The following LMTK2 variants were observed in gnomAD, a reference collection of about 807,000 sequenced individuals.
LMTK2 encodes serine/threonine-protein kinase LMTK2.
LMTK2 carries 37 observed loss-of-function variants against 127.5 expected under a neutral mutation model. That is an observed-to-expected ratio of 0.29 (90% CI 0.22 to 0.38). The LOEUF (loss-of-function observed/expected upper bound fraction) is 0.38. LMTK2 is among the 10% of genes least tolerant of loss of function. The probability of loss-of-function intolerance (pLI) is 1.00; values close to 1 mark genes in which losing one functional copy is unlikely to be tolerated. For synonymous variants in LMTK2, 819 were observed against 810.1 expected, an observed-to-expected ratio of 1.01 and a Z score of -0.19; for missense variants, 1,694 against 1,920.3, an observed-to-expected ratio of 0.88 and a Z score of 2.20.
chr7:98,140,155 TTC>T (rs1454189719), intron 2 of LMTK2, among the ~76,000 whole-genome samples: 419 of 28,706 alleles, frequency 0.015, 112 homozygotes, highest in African/African-American at 0.13. Flanking sequence ...TTCTTTTCTT[TTC>T]TTTTCTTTTC....
rs1207039157 is a variant in LMTK2 at position 98,204,080 on chromosome 7, G to A, written c.4377G>A (p.Glu1459=). ...CGCCGCCACCGGCCCGGAGCACGGAGCAGAGCTGGCCGCACTCGGCGCCTT... is the reference window on the plus strand; with the variant it reads ...CGCCGCCACCGGCCCGGAGCACGGAACAGAGCTGGCCGCACTCGGCGCCTT... The part of the protein sequence containing the change: ...FSPPPPARST[E]QSWPHSAPYS... Residue 1459 remains glutamate (E), a synonymous_variant, in exon 13 of 14, where the codon GAG becomes GAA. Coordinates refer to ENST00000297293, the MANE Select transcript of LMTK2 (RefSeq NM_014916.4). 1.1e-5 allele frequency: 17 copies of A among 1,613,854 alleles called. No individual in the cohort carries two copies. The highest frequency in any genetic ancestry group is 1.4e-5 in the Non-Finnish European group (16 of 1,180,050).
intron 1 of LMTK2, among the ~76,000 whole-genome samples, chr7:98,132,282 ACT>A (rs1022793369): frequency 6.7e-6 from 1 of 150,100 alleles, no homozygotes; most frequent in African/African-American, 2.5e-5. Flanking sequence ...ACGGAGTCTC[ACT>A]CTGTCGCCCA....
intron 11 of LMTK2, among the ~76,000 whole-genome samples, chr7:98,195,401 T>C (rs1490316006): frequency 6.6e-6 from 1 of 152,136 alleles, no homozygotes; most frequent in Non-Finnish European, 1.5e-5. Context: ...GCAGGCAGCT[T>C]AGTGTGCACT....
chr7:98,193,925 G>A lies in LMTK2; in HGVS notation c.3460G>A (p.Glu1154Lys). The change falls in exon 11 of 14, where the codon GAA becomes AAA. Residue 1154 changes from glutamate (E) to lysine (K), a missense_variant. Physicochemically the swap from Glu to Lys is moderately conservative, Grantham distance 56. Coordinates refer to ENST00000297293, the MANE Select transcript of LMTK2 (RefSeq NM_014916.4). This position sits in a 1 kb window ranked among gnomAD's most constrained non-coding sequence, Gnocchi z 4.1. The stretch of plus-strand genomic sequence containing the variant: ...TCCTGCTGCCCAGGATAGCTGCCTG[G>A]AAGCCAGAAAGAGCCAGCCAGATGA... Reference protein sequence around the residue: ...QSPAAQDSCLEARKSQPDESC... With the variant: ...QSPAAQDSCLKARKSQPDESC... 6.2e-7 allele frequency: 1 copy of A among 1,614,126 alleles called. No individual in the cohort carries two copies. Among genetic ancestry groups the A allele is most frequent in the Non-Finnish European group, 8.5e-7 (1 of 1,180,040 alleles).
At chr7:98,199,734 A>G (rs971711110) in intron 11 of LMTK2, among the ~76,000 whole-genome samples, 9 of 152,194 alleles carry the variant, frequency 5.9e-5, no homozygotes, top group Non-Finnish European at 1.2e-4. Flanking sequence ...AGCTCAAGCA[A>G]TCCGCCCGCC....
At chr7:98,204,231 G>T in intron 13 of LMTK2, 45 bp downstream of exon 13, 2 of 819,022 alleles carry the variant, frequency 2.4e-6, no homozygotes, top group Non-Finnish European at 4.2e-6. Flanking sequence ...AGGGTCGGGG[G>T]TGGGGCGCTG....
intron 6 of LMTK2, among the ~76,000 whole-genome samples, chr7:98,160,324 T>C (rs1001039728): frequency 1.3e-5 from 2 of 152,240 alleles, no homozygotes; most frequent in Admixed American, 6.5e-5. Flanking sequence ...TTGTTTTAAT[T>C]CCTAAGTGTG....
At chr7:98,145,689 A>G (rs984537141) in intron 3 of LMTK2, among the ~76,000 whole-genome samples, 6 of 152,272 alleles carry the variant, frequency 3.9e-5, no homozygotes, top group South Asian at 2.1e-4. Flanking sequence ...TCTTTTCCCA[A>G]TACCATTCTC....
chr7:98,136,821 C>T (rs1796602061), intron 1 of LMTK2, among the ~76,000 whole-genome samples: 2 of 152,220 alleles, frequency 1.3e-5, no homozygotes, highest in South Asian at 2.1e-4. Flanking sequence ...AACTGACCAG[C>T]ACTCTTCAAA....
intron 13 of LMTK2, among the ~76,000 whole-genome samples, chr7:98,204,518 T>G (rs1414753382): frequency 6.6e-6 from 1 of 152,196 alleles, no homozygotes; most frequent in African/African-American, 2.4e-5. Context: ...CTTCAGCTAC[T>G]CAGGAGGCTG....
chr7:98,142,039 T>G (rs1796707203), intron 3 of LMTK2, among the ~76,000 whole-genome samples: 1 of 144,628 alleles, frequency 6.9e-6, no homozygotes, highest in Admixed American at 6.8e-5. Context: ...GTGACTATAG[T>G]TTTTTTTTTT....
intron 1 of LMTK2, among the ~76,000 whole-genome samples, chr7:98,131,528 T>A (rs772058352): frequency 1.3e-5 from 2 of 152,194 alleles, no homozygotes; most frequent in Non-Finnish European, 2.9e-5. Context: ...GGTGGTTGAT[T>A]AGATTCAGGT....
chr7:98,168,464 G>A (rs556653778), intron 6 of LMTK2, among the ~76,000 whole-genome samples: 2 of 152,326 alleles, frequency 1.3e-5, no homozygotes, highest in African/African-American at 4.8e-5. Context: ...GCAGAAGCGG[G>A]GGTGTTGCGC....
At chr7:98,178,334 G>A (rs971932024) in intron 7 of LMTK2, among the ~76,000 whole-genome samples, 3 of 152,166 alleles carry the variant, frequency 2.0e-5, no homozygotes, top group Non-Finnish European at 2.9e-5. Flanking sequence ...CCGAAGACGC[G>A]CAAACTAGTC....
intron 6 of LMTK2, among the ~76,000 whole-genome samples, chr7:98,164,199 C>T (rs1406806127): frequency 1.3e-5 from 2 of 152,054 alleles, no homozygotes; most frequent in African/African-American, 2.4e-5. Flanking sequence ...TGAGAGGAGC[C>T]GAGAGATGAC....
rs1261168968 is a variant in LMTK2, at chr7:98,194,511, G to C, written c.4046G>C (p.Trp1349Ser). 1 of 1,612,924 alleles carries C rather than the reference G, an allele frequency of 6.2e-7. No homozygotes were observed. Among genetic ancestry groups the C allele is most frequent in the Admixed American group, 1.7e-5 (1 of 60,028 alleles). Residue 1349 changes from tryptophan (W) to serine (S), a missense_variant, in exon 11 of 14, where the codon TGG (tryptophan) becomes TCG (serine). By Grantham distance (177) the Trp-to-Ser change is radical (BLOSUM62 -3). Transcript: ENST00000297293. The surrounding 1 kb of genome is among the most constrained non-coding windows in gnomAD (Gnocchi z 5.4). Reference sequence around the variant, plus strand: ...GCCCCCGACCCACTGCCCGAGGACTGGAAGAAGGAAAAGAAGGCAGTCACG... The same window carrying C: ...GCCCCCGACCCACTGCCCGAGGACTCGAAGAAGGAAAAGAAGGCAGTCACG... ...ANAPDPLPED[W>S]KKEKKAVTFF...
At position 98,208,765 on chromosome 7, in the gene LMTK2, G is replaced by A. The variant is rs183347797; in HGVS notation, c.*3273G>A. 1.3e-5 allele frequency: 2 copies of A among 152,320 alleles called. No homozygotes were observed. Among genetic ancestry groups the A allele is most frequent in the African/African-American group, 4.8e-5 (2 of 41,572 alleles). 9.4% of individuals were successfully genotyped at this position (152,320 alleles called of 1,614,324 possible). On this transcript the variant is annotated 3_prime_UTR_variant, in exon 14 of 14. Coordinates refer to ENST00000297293, the MANE Select transcript of LMTK2 (RefSeq NM_014916.4). ...TGGACGAGAAGCCATTCACCGTAAG[G>A]GTGCAGAAAGCTCGACCAAGCCGAA... is the stretch of plus-strand genomic sequence containing the variant.
At chr7:98,186,144 A>G (rs1199490378) in intron 8 of LMTK2, among the ~76,000 whole-genome samples, 5 of 149,658 alleles carry the variant, frequency 3.3e-5, no homozygotes, top group Non-Finnish European at 7.4e-5. Context: ...GCTCACTGCA[A>G]CCTCCGCCTC....
intron 6 of LMTK2, 85 bp downstream of exon 6, chr7:98,159,510 G>GT (rs1283191947): frequency 1.1e-6 from 1 of 895,548 alleles, no homozygotes; most frequent in Non-Finnish European, 1.9e-6. Context: ...TGGATGAGGG[G>GT]TTGCTTTCAT....
Sources: gnomAD v4.1 joint callset for allele counts (sites outside exome capture counted in the v4.1 genomes callset) on GRCh38, gnomAD v4.1.1 for gene constraint, Gnocchi (gnomAD v3.1) non-coding constraint, MANE v1.5 for transcripts, NCBI Gene and HGNC (gene_info 2026-07-23, HGNC 2026-07-21) for gene names.